Variants in ARHGAP20 observed in about 807,000 individuals in gnomAD.
The protein encoded by ARHGAP20 is Rho GTPase activating protein 20, also known as rho GTPase-activating protein 20.
ARHGAP20 carries 34 observed loss-of-function variants against 73.7 expected under a neutral mutation model. The ratio of observed to expected loss-of-function variants is 0.46; its 90% confidence interval spans 0.35 to 0.61. ARHGAP20 has a LOEUF of 0.61. ARHGAP20 is among the 20% of genes least tolerant of loss of function. The probability of loss-of-function intolerance (pLI) is 0.00; values close to 1 mark genes in which losing one functional copy is unlikely to be tolerated. For missense variants in ARHGAP20, 1,314 were observed against 1,420.9 expected (o/e 0.92, Z 1.21); for synonymous variants, 523 against 518.2 (o/e 1.01, Z -0.13).
At position 110,577,311 on chromosome 11, in the gene ARHGAP20, T is replaced by C. The variant is rs1274390398; in HGVS notation, c.*2059A>G. ...TGACATATAGTCTGTCTTCAAATCA[T>C]ACAATATAATACTTTACAGCAATAT... On this transcript the variant is annotated 3_prime_UTR_variant, in exon 15 of 15. Transcript: ENST00000683387. 3.8e-6 allele frequency: 5 copies of C among 1,299,786 alleles called. No homozygotes were observed. In the African/African-American group the frequency reaches 6.1e-5, roughly 16 times the overall value. 80.5% of individuals were successfully genotyped at this position (1,299,786 alleles called of 1,614,324 possible). A position where few individuals can be genotyped will look rare whatever the true frequency, so the allele number is the denominator to read the frequency against.
intron 13 of ARHGAP20, 99 bp downstream of exon 13, chr11:110,583,449 T>C (rs753678010): frequency 1.2e-5 from 13 of 1,101,216 alleles, no homozygotes; most frequent in Admixed American, 2.9e-5. Context: ...ATACGGTATA[T>C]TTAAGTTATT....
At chr11:110,598,369 A>T (rs1382969018) in intron 9 of ARHGAP20, among the ~76,000 whole-genome samples, 1 of 152,188 alleles carries the variant, frequency 6.6e-6, no homozygotes, top group Non-Finnish European at 1.5e-5. Context: ...TCCAAGAACT[A>T]CTTCAGACTA....
At chr11:110,709,506 C>T (rs1305233471) in intron 1 of ARHGAP20, among the ~76,000 whole-genome samples, 1 of 152,068 alleles carries the variant, frequency 6.6e-6, no homozygotes, top group East Asian at 1.9e-4. Context: ...GACAATAAAG[C>T]AGAAGGTATA....
intron 2 of ARHGAP20, among the ~76,000 whole-genome samples, chr11:110,677,098 T>C: frequency 6.6e-6 from 1 of 152,318 alleles, no homozygotes; most frequent in South Asian, 2.1e-4. Flanking sequence ...TGGTCTTCAT[T>C]ATCATGATGT....
intron 2 of ARHGAP20, among the ~76,000 whole-genome samples, chr11:110,671,519 A>G (rs191040519): frequency 6.6e-6 from 1 of 152,222 alleles, no homozygotes; most frequent in Non-Finnish European, 1.5e-5. Context: ...CGAAGGAAAT[A>G]AAAATCAAAC....
intron 3 of ARHGAP20, among the ~76,000 whole-genome samples, chr11:110,624,879 G>A (rs1316176726): frequency 6.6e-6 from 1 of 152,052 alleles, no homozygotes; most frequent in African/African-American, 2.4e-5. Context: ...TATATGTCGA[G>A]CATTGCATTT....
At chr11:110,656,533 G>A (rs1949470687) in intron 2 of ARHGAP20, among the ~76,000 whole-genome samples, 1 of 152,104 alleles carries the variant, frequency 6.6e-6, no homozygotes, top group Non-Finnish European at 1.5e-5. Context: ...CTCTTAGTAA[G>A]GGAGAGAGTT....
chr11:110,578,280 C>CTT lies in ARHGAP20; in HGVS notation c.*1088_*1089dup. Reference sequence around the variant, plus strand: ...GCTGTCTGAGAAGGCCTGGCAGCCACTTTGTTGGGTATTCTATTGTGGGAC... The same window carrying CTT: ...GCTGTCTGAGAAGGCCTGGCAGCCACTTTTTGTTGGGTATTCTATTGTGGGAC... On this transcript the variant is annotated 3_prime_UTR_variant, in exon 15 of 15. Coordinates refer to ENST00000683387, the MANE Select transcript of ARHGAP20 (RefSeq NM_001384657.1). 2 of 985,456 alleles carry CTT rather than the reference C, an allele frequency of 2.0e-6. No individual in the cohort carries two copies. Among genetic ancestry groups the CTT allele is most frequent in the Non-Finnish European group, 2.4e-6 (2 of 829,938 alleles). 61.0% of individuals were successfully genotyped at this position (985,456 alleles called of 1,614,324 possible).
At chr11:110,666,675 G>C (rs868018950) in intron 2 of ARHGAP20, among the ~76,000 whole-genome samples, 1 of 152,110 alleles carries the variant, frequency 6.6e-6, no homozygotes, top group African/African-American at 2.4e-5. Flanking sequence ...AACAGCATAT[G>C]ATCACTTCAC....
In ARHGAP20 at chr11:110,580,802, A is replaced by G; in HGVS notation, c.2144T>C (p.Leu715Pro). The stretch of plus-strand genomic sequence containing the variant: ...CTGATAAAACTCCCTGAGGTAGGAA[A>G]GCTTTGAATCCAGATAGTCGATGCT... ...EPSIDYLDSK[L>P]SYLREFYQKK... The change falls in exon 15 of 15, where the codon CTT becomes CCT. Residue 715 changes from leucine (L) to proline (P), a missense_variant. Physicochemically the swap from Leu to Pro is moderately conservative, Grantham distance 98. Around this residue, in one of 3 missense-constraint regions of ARHGAP20, gnomAD observed 641 missense variants for 636.9 expected, o/e 1.01. Coordinates refer to ENST00000683387, the MANE Select transcript of ARHGAP20 (RefSeq NM_001384657.1). The G allele has an allele frequency of 6.2e-7, 1 of 1,614,072 alleles. No individual in the cohort carries two copies. The highest frequency in any genetic ancestry group is 8.5e-7 in the Non-Finnish European group (1 of 1,179,994).
chr11:110,577,966 C>T lies in ARHGAP20; in HGVS notation c.*1404G>A. On this transcript the variant is annotated 3_prime_UTR_variant, in exon 15 of 15. Transcript: ENST00000683387. ...GCTAGCTTGTGAGAGAAAGGTCCAT[C>T]TGATGGTGAACTAAAGAGTTTAAAT... 1 of 985,522 alleles carries T rather than the reference C, an allele frequency of 1.0e-6. No individual in the cohort carries two copies. Among genetic ancestry groups the T allele is most frequent in the Non-Finnish European group, 1.2e-6 (1 of 829,870 alleles). 61.0% of individuals were successfully genotyped at this position (985,522 alleles called of 1,614,324 possible). A position where few individuals can be genotyped will look rare whatever the true frequency, so the allele number is the denominator to read the frequency against.
Position 110,582,351 on chromosome 11 carries a change from C to A in ARHGAP20, c.1690G>T (p.Val564Leu). ...GCATTCTCTCTAGTGTCACATCTCA[C>A]TGAAACCTCTCTGAAGAGGGAAGTG... Reference protein sequence around the residue: ...EITSLFREVSVRCDTRENASD... With the variant: ...EITSLFREVSLRCDTRENASD... The change falls in exon 14 of 15, where the codon GTG (valine) becomes TTG (leucine). Residue 564 changes from valine (V) to leucine (L), a missense_variant. Physicochemically the swap from Val to Leu is conservative, Grantham distance 32 (BLOSUM62 1). Transcript: ENST00000683387. 1 of 1,613,370 alleles carries A rather than the reference C, an allele frequency of 6.2e-7. No individual in the cohort carries two copies.
intron 1 of ARHGAP20, among the ~76,000 whole-genome samples, chr11:110,701,543 T>G (rs1418028987): frequency 1.3e-5 from 2 of 150,626 alleles, no homozygotes; most frequent in Non-Finnish European, 3.0e-5. Context: ...GCCTGTTCAC[T>G]CTGATGGTAG....
intron 9 of ARHGAP20, among the ~76,000 whole-genome samples, chr11:110,605,190 G>A (rs1948195537): frequency 6.6e-6 from 1 of 152,148 alleles, no homozygotes; most frequent in African/African-American, 2.4e-5. Context: ...GATGGACACG[G>A]GGACTAACAG....
At chr11:110,680,766 T>C (rs1487297543) in intron 2 of ARHGAP20, among the ~76,000 whole-genome samples, 1 of 152,046 alleles carries the variant, frequency 6.6e-6, no homozygotes, top group Non-Finnish European at 1.5e-5. Flanking sequence ...CACAAGAAAA[T>C]TAGCACACTG....
intron 9 of ARHGAP20, among the ~76,000 whole-genome samples, chr11:110,598,767 A>G (rs1337645292): frequency 6.6e-6 from 1 of 152,072 alleles, no homozygotes; most frequent in Non-Finnish European, 1.5e-5. Context: ...GGCTGGGGAC[A>G]AGCAGGAGCC....
chr11:110,685,773 C>T lies in ARHGAP20; in HGVS notation c.188+4774G>A, dbSNP rs1218375127. ...CAATAGTAAAAGTAGTAAGGTTCTA[C>T]AGCAATGCCAAAATCAAATATAGAT... On this transcript the variant is annotated intron_variant, in intron 2 of 14. Coordinates refer to ENST00000683387, the MANE Select transcript of ARHGAP20 (RefSeq NM_001384657.1). Among the ~76,000 whole-genome samples the T allele has an allele frequency of 2.0e-5, 3 of 152,138 alleles. 1 individual carries two copies. The highest frequency in any genetic ancestry group is 6.3e-3 in the Middle Eastern group (2 of 316).
intron 8 of ARHGAP20, among the ~76,000 whole-genome samples, chr11:110,607,647 A>T (rs183953741): frequency 7.4e-4 from 112 of 152,272 alleles, no homozygotes; most frequent in African/African-American, 2.6e-3. Flanking sequence ...CATTAATATC[A>T]AGTACTACAG....
chr11:110,675,064 T>A (rs1272226309), intron 2 of ARHGAP20, among the ~76,000 whole-genome samples: 1 of 152,198 alleles, frequency 6.6e-6, no homozygotes, highest in Admixed American at 6.5e-5. Flanking sequence ...CACTTCTAAG[T>A]ATCTCTATTT....
Sources: allele counts gnomAD v4.1 joint callset (sites outside exome capture counted in the v4.1 genomes callset), GRCh38; gene constraint gnomAD v4.1.1; regional missense constraint gnomAD v4.1.1; transcripts MANE v1.5; gene names NCBI Gene and HGNC (gene_info 2026-07-23, HGNC 2026-07-21).